The following ROBO2 variants were observed in gnomAD, a reference collection of about 807,000 sequenced individuals.
ROBO2 encodes the protein roundabout guidance receptor 2, also known as roundabout homolog 2.
Under a neutral mutation model 160.8 loss-of-function variants are expected in ROBO2, and 53 were observed. The ratio of observed to expected loss-of-function variants is 0.33; its 90% confidence interval spans 0.26 to 0.41. The LOEUF (loss-of-function observed/expected upper bound fraction) is 0.41, where lower values mean the gene tolerates loss of function less well. Ranked by LOEUF, ROBO2 falls within the 10% of genes least tolerant of loss-of-function variation. ROBO2 has a pLI of 1.00. For missense variants in ROBO2, 1,577 were observed against 1,722.4 expected (o/e 0.92, Z 1.49); for synonymous variants, 664 against 611.7 (o/e 1.09, Z -1.26).
intron 2 of ROBO2, among the ~76,000 whole-genome samples, chr3:76,833,723 C>G (rs1342815652): frequency 6.6e-6 from 1 of 152,146 alleles, no homozygotes; most frequent in Non-Finnish European, 1.5e-5. Context: ...CCTCTCGTAA[C>G]TTCCCCTCTC....
chr3:77,335,359 A>G (rs1315240141), intron 2 of ROBO2, among the ~76,000 whole-genome samples: 1 of 152,164 alleles, frequency 6.6e-6, no homozygotes, highest in African/African-American at 2.4e-5. Context: ...GTGAACCAAT[A>G]TCACATCACC....
chr3:76,376,877 C>T (rs574100614), intron 2 of ROBO2, among the ~76,000 whole-genome samples: 5 of 152,154 alleles, frequency 3.3e-5, no homozygotes, highest in South Asian at 4.1e-4. Context: ...GCTTTTGAAA[C>T]GGTTCCAGGG....
At chr3:76,002,453 G>A (rs909035987) in intron 2 of ROBO2, among the ~76,000 whole-genome samples, 2 of 152,108 alleles carry the variant, frequency 1.3e-5, no homozygotes, top group African/African-American at 4.8e-5. Context: ...GTGGGATCCG[G>A]TGAGAGACTA....
intron 2 of ROBO2, among the ~76,000 whole-genome samples, chr3:76,924,601 T>G (rs941530724): frequency 6.6e-6 from 1 of 152,188 alleles, no homozygotes; most frequent in Non-Finnish European, 1.5e-5. Flanking sequence ...TCTTACAAGC[T>G]AAAGGTTACC....
chr3:76,891,984 G>A (rs908467281), intron 2 of ROBO2, among the ~76,000 whole-genome samples: 15 of 152,178 alleles, frequency 9.9e-5, no homozygotes, highest in African/African-American at 2.7e-4. Flanking sequence ...TGTGCCTACA[G>A]TGGTGAAAGC....
intron 5 of ROBO2, among the ~76,000 whole-genome samples, chr3:77,519,992 A>G (rs1200980112): frequency 6.6e-6 from 1 of 151,390 alleles, no homozygotes; most frequent in Non-Finnish European, 1.5e-5. Context: ...GTGAGATGGT[A>G]TCTCATTGTG....
At chr3:77,271,829 G>C (rs2059510425) in intron 2 of ROBO2, among the ~76,000 whole-genome samples, 1 of 152,156 alleles carries the variant, frequency 6.6e-6, no homozygotes, top group African/African-American at 2.4e-5. Flanking sequence ...TCATTTCAAG[G>C]ATCTTTCCTT....
chr3:76,106,119 G>C (rs1031951199), intron 2 of ROBO2, among the ~76,000 whole-genome samples: 1 of 152,078 alleles, frequency 6.6e-6, no homozygotes, highest in African/African-American at 2.4e-5. Context: ...AGTGGGCCCT[G>C]TTTGACTGGT....
At chr3:76,359,250 G>A (rs2324543) in intron 2 of ROBO2, among the ~76,000 whole-genome samples, 18,976 of 151,616 alleles carry the variant, frequency 0.13, 1,406 homozygotes, top group African/African-American at 0.2. Context: ...CATGTGTCTT[G>A]GATGCTGTTT....
chr3:77,063,395 G>A (rs977939784), intron 1 of ROBO2, among the ~76,000 whole-genome samples: 2 of 152,174 alleles, frequency 1.3e-5, no homozygotes, highest in African/African-American at 4.8e-5. Flanking sequence ...TAAGACAGGA[G>A]CAAAGTGTGT....
intron 2 of ROBO2, among the ~76,000 whole-genome samples, chr3:76,679,250 C>A (rs1259719929): frequency 6.6e-6 from 1 of 152,046 alleles, no homozygotes; most frequent in Non-Finnish European, 1.5e-5. Flanking sequence ...GGTCAATTAA[C>A]TTAAGAAATA....
chr3:77,467,597 A>G (rs2082898119), intron 2 of ROBO2, among the ~76,000 whole-genome samples: 1 of 148,924 alleles, frequency 6.7e-6, no homozygotes, highest in Non-Finnish European at 1.5e-5. Context: ...GTATCTATCT[A>G]TCTATCTATC....
chr3:77,166,763 G>T (rs1304358723), intron 2 of ROBO2, among the ~76,000 whole-genome samples: 1 of 151,988 alleles, frequency 6.6e-6, no homozygotes, highest in African/African-American at 2.4e-5. Context: ...TGTTTCACCG[G>T]TTAGCCAGGA....
intron 2 of ROBO2, among the ~76,000 whole-genome samples, chr3:76,355,062 A>G (rs998489289): frequency 3.4e-5 from 5 of 147,812 alleles, no homozygotes; most frequent in Admixed American, 6.7e-5. Context: ...GTGTGTGTGT[A>G]TGTATGCATG....
chr3:77,393,206 A>G (rs963353296), intron 2 of ROBO2, among the ~76,000 whole-genome samples: 8 of 152,156 alleles, frequency 5.3e-5, no homozygotes, highest in African/African-American at 1.7e-4. Flanking sequence ...CTGTCTGCCT[A>G]TAGAAATTGA....
intron 2 of ROBO2, among the ~76,000 whole-genome samples, chr3:76,888,222 G>A (rs1396741704): frequency 6.6e-6 from 1 of 152,172 alleles, no homozygotes; most frequent in South Asian, 2.1e-4. Context: ...ATAAAGATTA[G>A]CCAGGTGTAG....
chr3:77,320,175 T>G (rs894081661), intron 2 of ROBO2, among the ~76,000 whole-genome samples: 1 of 152,208 alleles, frequency 6.6e-6, no homozygotes, highest in Non-Finnish European at 1.5e-5. Flanking sequence ...GGGGATCATT[T>G]TCTTTCTCTT....
chr3:76,129,471 A>G (rs2071138636), intron 2 of ROBO2, among the ~76,000 whole-genome samples: 1 of 152,158 alleles, frequency 6.6e-6, no homozygotes, highest in Non-Finnish European at 1.5e-5. Flanking sequence ...AACCCTAGTT[A>G]ATAAGGATAA....
At chr3:76,812,070 C>T (rs914681359) in intron 2 of ROBO2, among the ~76,000 whole-genome samples, 14 of 151,604 alleles carry the variant, frequency 9.2e-5, no homozygotes. Context: ...AGGGTTTCAC[C>T]GTGTTAGCAA....
Sources: allele counts gnomAD v4.1 joint callset (sites outside exome capture counted in the v4.1 genomes callset), GRCh38; gene constraint gnomAD v4.1.1; transcripts MANE v1.5; gene names NCBI Gene and HGNC (gene_info 2026-07-23, HGNC 2026-07-21).